The following MGAT4A variants were observed in gnomAD, a reference collection of about 807,000 sequenced individuals.
MGAT4A encodes alpha-1,3-mannosyl-glycoprotein 4-beta-N-acetylglucosaminyltransferase A.
A neutral mutation model predicts 74.1 loss-of-function variants in MGAT4A; 33 were observed. The observed-to-expected ratio is 0.45, with a 90% CI of 0.34 to 0.60. MGAT4A has a LOEUF of 0.60. Ranked by LOEUF, MGAT4A falls within the 20% of genes least tolerant of loss-of-function variation. The pLI is 0.02. For missense variants in MGAT4A, 479 were observed against 628.3 expected (o/e 0.76, Z 2.54); for synonymous variants, 198 against 210.4 (o/e 0.94, Z 0.51).
intron 2 of MGAT4A, among the ~76,000 whole-genome samples, chr2:98,692,820 C>T (rs1350111604): frequency 6.6e-6 from 1 of 152,148 alleles, no homozygotes; most frequent in Non-Finnish European, 1.5e-5. Flanking sequence ...GTTCACACAA[C>T]AAAACCACCT....
rs757474576 is a variant in MGAT4A, at chr2:98,675,133, G to T, written c.305C>A (p.Ser102Tyr). The change falls in exon 4 of 16, where the codon TCT (serine) becomes TAT (tyrosine). Residue 102 changes from serine (S) to tyrosine (Y), a missense_variant. This residue lies in a region of MGAT4A where 205 missense variants were observed against 232.7 expected (regional missense o/e 0.88). Coordinates refer to ENST00000393487, the MANE Select transcript of MGAT4A (RefSeq NM_012214.3). ...ATAATAAATACTTGGCACTTGAAGA[G>T]ATTTTTTGCTTGTTAACTCCTTTAA... ...KLLKELTSKK[S>Y]LQVPSIYYHL... 1.2e-6 allele frequency: 2 copies of T among 1,611,040 alleles called. No individual in the cohort carries two copies. Among genetic ancestry groups the T allele is most frequent in the Admixed American group, 3.4e-5 (2 of 59,630 alleles).
chr2:98,648,749 C>G (rs1447812992), intron 8 of MGAT4A, among the ~76,000 whole-genome samples: 1 of 151,520 alleles, frequency 6.6e-6, no homozygotes, highest in African/African-American at 2.4e-5. Context: ...CTCACTGACA[C>G]CAGTGGACCA....
chr2:98,630,494 G>A (rs540582595), intron 14 of MGAT4A, among the ~76,000 whole-genome samples: 1 of 152,158 alleles, frequency 6.6e-6, no homozygotes, highest in Admixed American at 6.6e-5. Context: ...TGGGGAGAAG[G>A]GGAAGAGAAG....
At chr2:98,724,014 C>T (rs566303769) in intron 2 of MGAT4A, among the ~76,000 whole-genome samples, 4 of 152,328 alleles carry the variant, frequency 2.6e-5, no homozygotes, top group Admixed American at 6.5e-5. Flanking sequence ...ATATAATACA[C>T]TTACAGGCAA....
At chr2:98,708,835 A>G (rs1022529559) in intron 2 of MGAT4A, among the ~76,000 whole-genome samples, 2 of 152,258 alleles carry the variant, frequency 1.3e-5, no homozygotes, top group Non-Finnish European at 2.9e-5. Context: ...CAATAGGGTG[A>G]GAATATAATT....
At chr2:98,665,950 G>T (rs987286771) in intron 4 of MGAT4A, among the ~76,000 whole-genome samples, 7 of 152,146 alleles carry the variant, frequency 4.6e-5, no homozygotes, top group African/African-American at 1.7e-4. Flanking sequence ...ATCAGTCAGG[G>T]GTCACATTGC....
chr2:98,710,014 A>G (rs943825052), intron 2 of MGAT4A, among the ~76,000 whole-genome samples: 1 of 152,360 alleles, frequency 6.6e-6, no homozygotes, highest in Middle Eastern at 3.4e-3. Context: ...AGGAGAGTAG[A>G]GCAACATGAC....
intron 2 of MGAT4A, among the ~76,000 whole-genome samples, chr2:98,680,040 C>CT (rs778595164): frequency 0.079 from 10,404 of 130,944 alleles, 835 homozygotes; most frequent in African/African-American, 0.18. Context: ...CTTAGAAAGG[C>CT]TTTTTTTTTT....
At chr2:98,714,388 G>A (rs1313698983) in intron 2 of MGAT4A, among the ~76,000 whole-genome samples, 1 of 152,090 alleles carries the variant, frequency 6.6e-6, no homozygotes, top group East Asian at 1.9e-4. Context: ...CATCCTGCCA[G>A]AGCCATATTT....
At chr2:98,657,933 C>G (rs1226352793) in intron 6 of MGAT4A, among the ~76,000 whole-genome samples, 2 of 152,196 alleles carry the variant, frequency 1.3e-5, no homozygotes, top group East Asian at 3.8e-4. Context: ...ATATGACTCT[C>G]TCTGTATTCA....
In MGAT4A at chr2:98,621,947, T is replaced by C. The variant is rs1341294207; in HGVS notation, c.*3619A>G. 1.0e-6 allele frequency: 1 copy of C among 993,880 alleles called. No homozygotes were observed. Among genetic ancestry groups the C allele is most frequent in the Non-Finnish European group, 1.2e-6 (1 of 835,412 alleles). 61.6% of individuals were successfully genotyped at this position (993,880 alleles called of 1,614,324 possible). ...TCCAATTGTTGAACAAATACACACA[T>C]ACGTATCTACAGCCTATGTGCTAAA... On this transcript the variant is annotated 3_prime_UTR_variant, in exon 16 of 16. Coordinates refer to ENST00000393487, the MANE Select transcript of MGAT4A (RefSeq NM_012214.3).
chr2:98,629,463 G>T (rs558528663), intron 14 of MGAT4A, among the ~76,000 whole-genome samples: 1 of 152,302 alleles, frequency 6.6e-6, no homozygotes, highest in South Asian at 2.1e-4. Flanking sequence ...ATGGGATTCA[G>T]ATCTTAAAAA....
chr2:98,728,230 A>G (rs1168180747), intron 1 of MGAT4A, among the ~76,000 whole-genome samples: 2 of 152,184 alleles, frequency 1.3e-5, no homozygotes, highest in African/African-American at 4.8e-5. Context: ...CTAATACCTC[A>G]CCACAACCCT....
chr2:98,621,228 AG>A lies in MGAT4A; in HGVS notation c.*4337del. 1.5e-6 allele frequency: 1 copy of A among 681,542 alleles called. No homozygotes were observed. Among genetic ancestry groups the A allele is most frequent in the South Asian group, 2.8e-5 (1 of 35,810 alleles). The allele number at this position is 681,542 out of a possible 1,614,324, so 42.2% of individuals were successfully genotyped here. A position where few individuals can be genotyped will look rare whatever the true frequency, so the allele number is the denominator to read the frequency against. ...TGAGTTCTCGGCTTAGGGTCTCACAAGGCTGGATTCAAAGTGTTGGCCAGGC... is the reference window on the plus strand; with the variant it reads ...TGAGTTCTCGGCTTAGGGTCTCACAAGCTGGATTCAAAGTGTTGGCCAGGC... On this transcript the variant is annotated 3_prime_UTR_variant, in exon 16 of 16. Transcript: ENST00000393487.
At chr2:98,717,097 G>C (rs1702603099) in intron 2 of MGAT4A, among the ~76,000 whole-genome samples, 1 of 151,962 alleles carries the variant, frequency 6.6e-6, no homozygotes, top group Admixed American at 6.6e-5. Context: ...GACAAAGAAA[G>C]GGCCAGGCAT....
intron 2 of MGAT4A, among the ~76,000 whole-genome samples, chr2:98,710,656 G>A (rs778192592): frequency 1.8e-4 from 27 of 152,048 alleles, no homozygotes; most frequent in African/African-American, 5.8e-4. Context: ...GATGGGGGGC[G>A]GGGAGGCGGA....
intron 2 of MGAT4A, among the ~76,000 whole-genome samples, chr2:98,690,534 C>T (rs1400761438): frequency 6.6e-6 from 1 of 152,052 alleles, no homozygotes; most frequent in African/African-American, 2.4e-5. Flanking sequence ...CAGAAAAGGC[C>T]AGCTATGACA....
chr2:98,726,670 T>C (rs1400463548), intron 1 of MGAT4A, 103 bp from the exon 2 acceptor site: 1 of 276,464 alleles, frequency 3.6e-6, no homozygotes, highest in Non-Finnish European at 6.7e-6. Flanking sequence ...CAGGGCTAAA[T>C]TGCATCTATA....
At chr2:98,662,481 G>C (rs1701766493) in intron 5 of MGAT4A, among the ~76,000 whole-genome samples, 1 of 152,140 alleles carries the variant, frequency 6.6e-6, no homozygotes, top group Non-Finnish European at 1.5e-5. Context: ...TAGTGGGCCA[G>C]AACTAGACCA....
Sources: gnomAD v4.1 joint callset for allele counts (sites outside exome capture counted in the v4.1 genomes callset) on GRCh38, gnomAD v4.1.1 for gene constraint, gnomAD v4.1.1 regional missense constraint, MANE v1.5 for transcripts, NCBI Gene and HGNC (gene_info 2026-07-23, HGNC 2026-07-21) for gene names.